Variants in DCC observed in about 807,000 individuals in gnomAD.
DCC encodes DCC netrin 1 receptor.
DCC carries 58 observed loss-of-function variants against 172.5 expected under a neutral mutation model. The observed-to-expected ratio is 0.34, with a 90% confidence interval of 0.27 to 0.42. The LOEUF (loss-of-function observed/expected upper bound fraction) is 0.42. Ranked by LOEUF, DCC falls within the 10% of genes least tolerant of loss-of-function variation. The pLI, the probability that DCC is intolerant of heterozygous loss-of-function variation, is 1.00. For missense variants in DCC, 1,740 were observed against 1,791.0 expected (o/e 0.97, Z 0.51); for synonymous variants, 709 against 644.5 (o/e 1.10, Z -1.52).
intron 2 of DCC, among the ~76,000 whole-genome samples, chr18:52,882,872 C>T (rs2039507632): frequency 6.6e-6 from 1 of 152,026 alleles, no homozygotes; most frequent in South Asian, 2.1e-4. Flanking sequence ...CAGCTGTTAT[C>T]ATATTGGTGT....
chr18:53,226,497 T>A (rs192526395), intron 12 of DCC, among the ~76,000 whole-genome samples: 1 of 152,212 alleles, frequency 6.6e-6, no homozygotes, highest in East Asian at 1.9e-4. Context: ...GACAGCAGGT[T>A]TTTAAGAGAG....
In DCC at chr18:52,752,137, C is replaced by A. The variant is rs762319358; in HGVS notation, c.175C>A (p.Leu59Ile). The change falls in exon 2 of 29, where the codon CTC becomes ATC. Residue 59 changes from leucine (L) to isoleucine (I), a missense_variant. Physicochemically the swap from Leu to Ile is conservative, Grantham distance 5 (BLOSUM62 2). Coordinates refer to ENST00000442544, the MANE Select transcript of DCC (RefSeq NM_005215.4). ...AVTMRGGNVL[L>I]DCSAESDRGV... Reference sequence around the variant, plus strand: ...CACAATGCGGGGAGGAAATGTCCTCCTCGACTGCTCCGCGGAGTCCGACCG... The same window carrying A: ...CACAATGCGGGGAGGAAATGTCCTCATCGACTGCTCCGCGGAGTCCGACCG... 1.9e-6 allele frequency: 3 copies of A among 1,614,154 alleles called. No homozygotes were observed. The highest frequency in any genetic ancestry group is 2.5e-6 in the Non-Finnish European group (3 of 1,180,030).
chr18:53,383,755 T>C (rs12967544), intron 15 of DCC, among the ~76,000 whole-genome samples: 31,168 of 151,566 alleles, frequency 0.21, 3,789 homozygotes, highest in African/African-American at 0.31. Context: ...TCCAATTCAA[T>C]TTTAGGAACA....
At chr18:53,069,620 C>CAAA (rs72121087) in intron 7 of DCC, among the ~76,000 whole-genome samples, 2 of 113,432 alleles carry the variant, frequency 1.8e-5, no homozygotes, top group African/African-American at 2.9e-5. Context: ...TCCACAAAAA[C>CAAA]AAAAAAAAAA....
intron 1 of DCC, among the ~76,000 whole-genome samples, chr18:52,712,278 A>C (rs2036306103): frequency 6.6e-6 from 1 of 152,128 alleles, no homozygotes; most frequent in South Asian, 2.1e-4. Context: ...TTAATTTTTA[A>C]AATGAGCCTG....
chr18:53,014,109 CTAGA>C (rs2041770908), intron 5 of DCC, among the ~76,000 whole-genome samples: 1 of 152,014 alleles, frequency 6.6e-6, no homozygotes, highest in African/African-American at 2.4e-5. Context: ...TATTTTTGTG[CTAGA>C]TATTCTGATC....
intron 12 of DCC, among the ~76,000 whole-genome samples, chr18:53,235,163 T>A (rs746564622): frequency 2.6e-5 from 4 of 152,192 alleles, no homozygotes; most frequent in Non-Finnish European, 5.9e-5. Context: ...TCAGGTGTTG[T>A]CCCTTTAAAA....
At chr18:53,195,094 C>G (rs1223790005) in intron 9 of DCC, among the ~76,000 whole-genome samples, 6 of 152,058 alleles carry the variant, frequency 3.9e-5, no homozygotes, top group Non-Finnish European at 8.8e-5. Context: ...GAAAATGATG[C>G]TCTGAGTATT....
intron 1 of DCC, among the ~76,000 whole-genome samples, chr18:52,709,225 T>C (rs2036257530): frequency 6.6e-6 from 1 of 152,182 alleles, no homozygotes; most frequent in South Asian, 2.1e-4. Flanking sequence ...ACTATTAAAA[T>C]GTAGGTAGAT....
At chr18:52,356,027 A>G (rs547518714) in intron 1 of DCC, among the ~76,000 whole-genome samples, 1 of 152,214 alleles carries the variant, frequency 6.6e-6, no homozygotes, top group Non-Finnish European at 1.5e-5. Flanking sequence ...AGATCTCATC[A>G]CTAGCAATGA....
At chr18:52,510,216 C>T (rs566726281) in intron 1 of DCC, among the ~76,000 whole-genome samples, 1 of 152,176 alleles carries the variant, frequency 6.6e-6, no homozygotes, top group South Asian at 2.1e-4. Flanking sequence ...ACTCAGGACC[C>T]TTTGAAGACA....
rs185245126 is a variant in DCC at position 52,364,319 on chromosome 18, G to A, written c.91+23441G>A. On this transcript the variant is annotated intron_variant, in intron 1 of 28. Transcript: ENST00000442544. ...TTACCAAAGAAAATATGTTCAATGA[G>A]GAAAGCATTTAAACAGGTATATAAG... Among the ~76,000 whole-genome samples, 24 of 152,150 alleles carry A rather than the reference G, an allele frequency of 1.6e-4. No individual in the cohort carries two copies. The East Asian group carries it at 3.7e-3, about 23-fold the overall frequency.
At chr18:53,314,801 C>T (rs1027890790) in intron 13 of DCC, among the ~76,000 whole-genome samples, 3 of 152,096 alleles carry the variant, frequency 2.0e-5, no homozygotes, top group Non-Finnish European at 1.5e-5. Context: ...CTAATCTCTA[C>T]AGGATGCTAA....
chr18:53,195,115 C>A (rs1045177087), intron 9 of DCC, among the ~76,000 whole-genome samples: 6 of 152,168 alleles, frequency 3.9e-5, no homozygotes, highest in Non-Finnish European at 8.8e-5. Flanking sequence ...TAATACTTGG[C>A]CCAAGGATAC....
intron 1 of DCC, among the ~76,000 whole-genome samples, chr18:52,499,310 C>T (rs924641046): frequency 5.3e-5 from 8 of 152,102 alleles, no homozygotes; most frequent in African/African-American, 1.7e-4. Context: ...CTTATGCATC[C>T]TTTTGGGCTA....
intron 5 of DCC, among the ~76,000 whole-genome samples, chr18:52,964,026 G>C (rs2145574102): frequency 6.6e-6 from 1 of 152,236 alleles, no homozygotes; most frequent in East Asian, 1.9e-4. Flanking sequence ...TTAATGGATA[G>C]AGACAGCCTT....
At chr18:52,874,947 A>G (rs1277341407) in intron 2 of DCC, among the ~76,000 whole-genome samples, 1 of 152,006 alleles carries the variant, frequency 6.6e-6, no homozygotes, top group Admixed American at 6.6e-5. Context: ...GCTAGGTATA[A>G]TTTTGGTGGA....
Position 52,543,390 on chromosome 18 carries a change from A to G in DCC, c.91+202512A>G, listed in dbSNP as rs117420570. Among the ~76,000 whole-genome samples the G allele has an allele frequency of 2.0e-4, 31 of 152,260 alleles. No homozygotes were observed. The East Asian group carries it at 5.6e-3, about 28-fold the overall frequency. ...ATTTTACACTTAACAGCTCTTCTCA[A>G]TTTGGGCTAGCAACATTTCCTCCAT... On this transcript the variant is annotated intron_variant, in intron 1 of 28. Transcript: ENST00000442544.
At chr18:52,774,536 A>G (rs8095953) in intron 2 of DCC, among the ~76,000 whole-genome samples, 13,232 of 152,296 alleles carry the variant, frequency 0.087, 1,862 homozygotes, top group African/African-American at 0.3. Flanking sequence ...CTTCTTAAAA[A>G]CTGAGTAGAC....
Sources: allele counts gnomAD v4.1 joint callset (sites outside exome capture counted in the v4.1 genomes callset), GRCh38; gene constraint gnomAD v4.1.1; transcripts MANE v1.5; gene names NCBI Gene and HGNC (gene_info 2026-07-23, HGNC 2026-07-21).